The following CLIP1 variants were observed in gnomAD, a reference collection of about 807,000 sequenced individuals.
CLIP1 encodes the protein CAP-Gly domain-containing linker protein 1.
CLIP1 carries 66 observed loss-of-function variants against 161.6 expected under a neutral mutation model. The observed-to-expected ratio is 0.41, with a 90% CI of 0.33 to 0.50. CLIP1 has a LOEUF of 0.50. Ranked by LOEUF, CLIP1 falls within the 20% of genes least tolerant of loss-of-function variation. The pLI is 0.27. For missense variants in CLIP1, 1,376 were observed against 1,702.0 expected, an observed-to-expected ratio of 0.81 and a Z score of 3.37; for synonymous variants, 598 against 626.2, an observed-to-expected ratio of 0.96 and a Z score of 0.67.
At chr12:122,293,801 T>G (rs1374020004) in intron 20 of CLIP1, among the ~76,000 whole-genome samples, 2 of 109,786 alleles carry the variant, frequency 1.8e-5, no homozygotes, top group Non-Finnish European at 3.4e-5. Flanking sequence ...TTTTTTTTGT[T>G]TTTTGTTTTT....
At chr12:122,312,795 G>A (rs1261756297) in intron 19 of CLIP1, among the ~76,000 whole-genome samples, 1 of 152,028 alleles carries the variant, frequency 6.6e-6, no homozygotes, top group Non-Finnish European at 1.5e-5. Context: ...GTCTATATTG[G>A]TGCCCCTTTT....
chr12:122,362,713 T>TAAA (rs34046739), intron 4 of CLIP1, among the ~76,000 whole-genome samples: 1 of 105,788 alleles, frequency 9.5e-6, no homozygotes, highest in Non-Finnish European at 1.8e-5. Context: ...AAAAATATGA[T>TAAA]AAAAAAAAAA....
rs532821409 is a variant in CLIP1, at chr12:122,281,414, C to T, written c.3648-2269G>A. On this transcript the variant is annotated intron_variant, in intron 21 of 25. Transcript: ENST00000620786. ...ATAAAGCCTGGGTTTCAGCCAGGCGCGGTGTCTCATCCATGTCATCCCAGC... is the reference window on the plus strand; with the variant it reads ...ATAAAGCCTGGGTTTCAGCCAGGCGTGGTGTCTCATCCATGTCATCCCAGC... 1.1e-4 allele frequency among the ~76,000 whole-genome samples: 16 copies of T among 152,202 alleles called. No individual in the cohort carries two copies. In the South Asian group the frequency reaches 2.1e-3, roughly 20 times the overall value.
At chr12:122,282,603 T>C (rs142270203) in intron 21 of CLIP1, among the ~76,000 whole-genome samples, 264 of 152,200 alleles carry the variant, frequency 1.7e-3, no homozygotes, top group Middle Eastern at 6.8e-3. Flanking sequence ...GTAAGGAGAC[T>C]AAATTTGCAC....
intron 19 of CLIP1, among the ~76,000 whole-genome samples, chr12:122,312,490 G>T (rs370218214): frequency 6.6e-6 from 1 of 152,186 alleles, no homozygotes; most frequent in Non-Finnish European, 1.5e-5. Context: ...GTGGCTGAGC[G>T]TAGTGGCTCA....
chr12:122,351,001 TC>T, intron 9 of CLIP1, 109 bp downstream of exon 9: 1 of 762,768 alleles, frequency 1.3e-6, no homozygotes, highest in South Asian at 2.0e-5. Context: ...AAGGTCAATG[TC>T]CCAAGGTCAG....
Position 122,377,406 on chromosome 12 carries a change from T to C in CLIP1, c.640A>G (p.Ile214Val). 2 of 1,613,688 alleles carry C rather than the reference T, an allele frequency of 1.2e-6. No homozygotes were observed. Among genetic ancestry groups the C allele is most frequent in the Non-Finnish European group, 1.7e-6 (2 of 1,179,810 alleles). ...CTACTCACCAATACTCTGTCTCCGA[T>C]TTTGAGCTCTCTTTCTCCTTTCTTG... is the stretch of plus-strand genomic sequence containing the variant. The part of the protein sequence containing the change: ...SIKKGERELK[I>V]GDRVLVGGTK... Residue 214 changes from isoleucine (I) to valine (V), a missense_variant, in exon 3 of 26, where the codon ATC becomes GTC. This residue lies in a region of CLIP1 where 211 missense variants were observed against 295.1 expected (regional missense o/e 0.72). Transcript: ENST00000620786.
At chr12:122,354,896 A>C (rs993667298) in intron 6 of CLIP1, 2 of 596,562 alleles carry the variant, frequency 3.4e-6, no homozygotes, top group Admixed American at 6.1e-5. Flanking sequence ...GGACACAAAG[A>C]CCAAACACTA....
intron 2 of CLIP1, among the ~76,000 whole-genome samples, chr12:122,378,626 C>T (rs757825177): frequency 1.3e-5 from 2 of 152,218 alleles, no homozygotes; most frequent in Non-Finnish European, 2.9e-5. Flanking sequence ...CCACCCTGCA[C>T]ATCATGAGCA....
chr12:122,302,935 T>C (rs533732480), intron 20 of CLIP1, among the ~76,000 whole-genome samples: 1 of 152,274 alleles, frequency 6.6e-6, no homozygotes, highest in African/African-American at 2.4e-5. Context: ...TCTTGCTATG[T>C]TGCCCAGGCT....
intron 3 of CLIP1, among the ~76,000 whole-genome samples, chr12:122,366,300 C>CT (rs1466896735): frequency 1.9e-5 from 2 of 108,032 alleles, no homozygotes; most frequent in Non-Finnish European, 3.9e-5. Flanking sequence ...GGGAGAGACT[C>CT]TGTCTCAAAA....
intron 1 of CLIP1, among the ~76,000 whole-genome samples, chr12:122,403,499 G>GTTTTTTTT (rs11302150): frequency 1.4e-5 from 1 of 72,294 alleles, no homozygotes; most frequent in African/African-American, 4.5e-5. Context: ...TTCTTGTTTT[G>GTTTTTTTT]TTTTTTTTTT....
At position 122,288,489 on chromosome 12, in the gene CLIP1, C is replaced by G; in HGVS notation, c.3647G>C (p.Arg1216Thr). 2 of 1,606,720 alleles carry G rather than the reference C, an allele frequency of 1.2e-6. No homozygotes were observed. Among genetic ancestry groups the G allele is most frequent in the Non-Finnish European group, 1.7e-6 (2 of 1,178,958 alleles). The change falls in exon 21 of 26, where the codon AGA becomes ACA. Residue 1216 changes from arginine to threonine, a missense_variant and splice_region_variant. Around this residue, in one of 6 missense-constraint regions of CLIP1, gnomAD observed 948 missense variants for 1,134.8 expected, o/e 0.84. Transcript: ENST00000620786. ...LNNQLLEMKKRESKFIKDADE... is the reference protein window; with the variant it reads ...LNNQLLEMKKTESKFIKDADE... The stretch of plus-strand genomic sequence containing the variant: ...ATACAACAATAAACAGAAAGCTTAC[C>G]TTTTTTTCATTTCTAACAACTGATT...
At chr12:122,401,889 C>G (rs556589158) in intron 1 of CLIP1, among the ~76,000 whole-genome samples, 3 of 151,640 alleles carry the variant, frequency 2.0e-5, no homozygotes, top group Non-Finnish European at 4.4e-5. Context: ...CCCAGCTACT[C>G]GGGAGGCTGA....
intron 14 of CLIP1, 25 bp from the exon 15 acceptor site, chr12:122,333,168 T>C (rs781319204): frequency 1.9e-6 from 3 of 1,577,198 alleles, no homozygotes; most frequent in Admixed American, 3.4e-5. Context: ...AAAAAAAGAA[T>C]AGCACGGCTG....
At chr12:122,314,869 T>C (rs139251649) in intron 19 of CLIP1, among the ~76,000 whole-genome samples, 71 of 152,360 alleles carry the variant, frequency 4.7e-4, no homozygotes, top group African/African-American at 1.6e-3. Flanking sequence ...CCATCTTCTA[T>C]TTGTGTCACT....
chr12:122,418,102 AT>A (rs1394231077), intron 1 of CLIP1, among the ~76,000 whole-genome samples: 2 of 152,002 alleles, frequency 1.3e-5, no homozygotes, highest in African/African-American at 4.8e-5. Flanking sequence ...CATACAATAA[AT>A]TTACTTTTTG....
chr12:122,300,324 C>T (rs1950634173), intron 20 of CLIP1, among the ~76,000 whole-genome samples: 1 of 151,954 alleles, frequency 6.6e-6, no homozygotes, highest in Non-Finnish European at 1.5e-5. Context: ...CAGACATCTC[C>T]ATATATATAC....
rs371441214 is a variant in CLIP1, at chr12:122,377,652, C to T, written c.394G>A (p.Asp132Asn). The T allele has an allele frequency of 4.3e-6, 7 of 1,613,648 alleles. No homozygotes were observed. In the African/African-American group the frequency reaches 8.0e-5, roughly 18 times the overall value. The stretch of plus-strand genomic sequence containing the variant: ...GTTGTCTGCAGGCCATTAGCTTCAT[C>T]TTCTGCTTGCACCTTCCTTGTTAAC... The part of the protein sequence containing the change: ...SKLTRKVQAE[D>N]EANGLQTTPA... The change falls in exon 3 of 26, where the codon GAT (aspartate) becomes AAT (asparagine). Residue 132 changes from aspartate (D) to asparagine (N), a missense_variant. Asp to Asn is a conservative substitution (Grantham distance 23). Coordinates refer to ENST00000620786, the MANE Select transcript of CLIP1 (RefSeq NM_001247997.2).
Sources: gnomAD v4.1 joint callset for allele counts (sites outside exome capture counted in the v4.1 genomes callset) on GRCh38, gnomAD v4.1.1 for gene constraint, gnomAD v4.1.1 regional missense constraint, MANE v1.5 for transcripts, NCBI Gene and HGNC (gene_info 2026-07-23, HGNC 2026-07-21) for gene names.